UBE3D: variants seen among roughly 807,000 people sequenced by gnomAD.
The protein encoded by UBE3D is E3 ubiquitin-protein ligase E3D.
A neutral mutation model predicts 49.6 loss-of-function variants in UBE3D; 48 were observed. That is an observed-to-expected ratio of 0.97 (90% CI 0.77 to 1.23). The LOEUF (loss-of-function observed/expected upper bound fraction) is 1.23, where lower values mean the gene tolerates loss of function less well. Among genes scored for constraint, UBE3D ranks in the 50% most tolerant of loss-of-function variants. The pLI, the probability that UBE3D is intolerant of heterozygous loss-of-function variation, is 0.00. For missense variants in UBE3D, 452 were observed against 468.4 expected (o/e 0.96, Z 0.32); for synonymous variants, 189 against 174.2 (o/e 1.08, Z -0.67).
At chr6:82,977,664 C>A (rs932726406) in intron 8 of UBE3D, among the ~76,000 whole-genome samples, 1 of 152,108 alleles carries the variant, frequency 6.6e-6, no homozygotes, top group African/African-American at 2.4e-5. Flanking sequence ...ATGGTGAAAC[C>A]CTGTATCTAC....
chr6:82,913,744 TAAAAC>T (rs1008045563), intron 9 of UBE3D, among the ~76,000 whole-genome samples: 4 of 152,008 alleles, frequency 2.6e-5, no homozygotes, highest in African/African-American at 4.8e-5. Context: ...CAAAACAAAA[TAAAAC>T]AAAACAAAAC....
downstream of UBE3D, among the ~76,000 whole-genome samples, chr6:82,891,368 C>T (rs1770975310): frequency 6.6e-6 from 1 of 152,120 alleles, no homozygotes; most frequent in South Asian, 2.1e-4. Flanking sequence ...ATTATCCAGA[C>T]CAAGATATAA....
At chr6:82,945,353 G>C (rs1394736969) in intron 9 of UBE3D, among the ~76,000 whole-genome samples, 1 of 152,216 alleles carries the variant, frequency 6.6e-6, no homozygotes, top group Non-Finnish European at 1.5e-5. Context: ...GGGAAGAGAA[G>C]AGTCTGCCAG....
intron 7 of UBE3D, among the ~76,000 whole-genome samples, chr6:83,020,700 G>A (rs1022873434): frequency 1.3e-5 from 2 of 152,152 alleles, no homozygotes; most frequent in African/African-American, 4.8e-5. Context: ...AAATATTTTA[G>A]GTTTTCATGG....
At chr6:83,002,335 G>A (rs1022525685) in intron 8 of UBE3D, among the ~76,000 whole-genome samples, 1 of 152,146 alleles carries the variant, frequency 6.6e-6, no homozygotes, top group Non-Finnish European at 1.5e-5. Flanking sequence ...TAGGGCTTTT[G>A]AGAGGTGATT....
chr6:83,006,193 C>A (rs1779967328), intron 8 of UBE3D, among the ~76,000 whole-genome samples: 1 of 152,094 alleles, frequency 6.6e-6, no homozygotes, highest in East Asian at 1.9e-4. Context: ...CCACTGCACT[C>A]CAGCCTGAGT....
At chr6:82,953,250 C>T (rs988047535) in intron 9 of UBE3D, among the ~76,000 whole-genome samples, 1 of 152,234 alleles carries the variant, frequency 6.6e-6, no homozygotes, top group Non-Finnish European at 1.5e-5. Context: ...GGGCATCATT[C>T]CCATATTCCC....
chr6:82,964,168 C>T (rs113877138), intron 8 of UBE3D, among the ~76,000 whole-genome samples: 97 of 152,152 alleles, frequency 6.4e-4, no homozygotes, highest in African/African-American at 2.1e-3. Context: ...GAAGCAACTA[C>T]GGCCTATCTA....
At chr6:83,053,168 T>C (rs1783582846) in intron 3 of UBE3D, among the ~76,000 whole-genome samples, 2 of 152,270 alleles carry the variant, frequency 1.3e-5, no homozygotes, top group Non-Finnish European at 2.9e-5. Flanking sequence ...TTAGTGTTAG[T>C]GTATTTTATG....
intron 3 of UBE3D, among the ~76,000 whole-genome samples, chr6:83,045,485 A>G (rs1395041848): frequency 3.3e-5 from 5 of 151,584 alleles, no homozygotes; most frequent in Non-Finnish European, 7.4e-5. Context: ...TGTTCTTATT[A>G]ATTTGTAAAA....
At chr6:82,896,429 A>AT (rs1771322189) in intron 9 of UBE3D, among the ~76,000 whole-genome samples, 1 of 151,728 alleles carries the variant, frequency 6.6e-6, no homozygotes, top group Admixed American at 6.6e-5. Flanking sequence ...ACAAAAGACA[A>AT]CCTTTCCTCT....
chr6:82,972,267 A>C (rs1228052282), intron 8 of UBE3D, among the ~76,000 whole-genome samples: 2 of 152,222 alleles, frequency 1.3e-5, no homozygotes, highest in African/African-American at 4.8e-5. Context: ...ACAAGAGGGC[A>C]CTTGGCAATG....
chr6:82,927,104 A>G (rs1028759767), intron 9 of UBE3D, among the ~76,000 whole-genome samples: 4 of 152,078 alleles, frequency 2.6e-5, no homozygotes, highest in African/African-American at 4.8e-5. Context: ...CATTAAAAAG[A>G]CTAACTTTTC....
chr6:82,985,466 G>C (rs138183194), intron 8 of UBE3D, among the ~76,000 whole-genome samples: 1 of 151,968 alleles, frequency 6.6e-6, no homozygotes, highest in Non-Finnish European at 1.5e-5. Context: ...AGGTTCAAGC[G>C]ATTCTCCTGC....
intron 9 of UBE3D, among the ~76,000 whole-genome samples, chr6:82,923,510 G>A (rs1227754092): frequency 2.0e-5 from 3 of 152,120 alleles, no homozygotes; most frequent in Admixed American, 6.5e-5. Context: ...GTTGAACAAT[G>A]AGAACACATG....
chr6:83,005,231 T>C (rs2127750949), intron 8 of UBE3D, among the ~76,000 whole-genome samples: 1 of 152,092 alleles, frequency 6.6e-6, no homozygotes, highest in Non-Finnish European at 1.5e-5. Flanking sequence ...CACGAAAGGA[T>C]ACTCGATATC....
At chr6:82,973,113 AACAAG>A (rs1777468401) in intron 8 of UBE3D, among the ~76,000 whole-genome samples, 2 of 152,236 alleles carry the variant, frequency 1.3e-5, no homozygotes, top group African/African-American at 4.8e-5. Context: ...AAGACAAAAA[AACAAG>A]ACAAAACTGG....
At chr6:82,957,549 C>A in intron 8 of UBE3D, 99 bp from the exon 9 acceptor site, 1 of 1,333,792 alleles carries the variant, frequency 7.5e-7, no homozygotes, top group Non-Finnish European at 1.0e-6. Flanking sequence ...GAGAAAAAGG[C>A]AAAGTACAAA....
intron 8 of UBE3D, among the ~76,000 whole-genome samples, chr6:82,970,868 A>C (rs1167023423): frequency 2.0e-5 from 3 of 151,848 alleles, no homozygotes; most frequent in African/African-American, 7.3e-5. Context: ...AAAACAAAAA[A>C]CAAAAAACAA....
Sources: allele counts gnomAD v4.1 joint callset (sites outside exome capture counted in the v4.1 genomes callset), GRCh38; gene constraint gnomAD v4.1.1; transcripts MANE v1.5; gene names NCBI Gene and HGNC (gene_info 2026-07-23, HGNC 2026-07-21).